CSMD1: variants seen among roughly 807,000 people sequenced by gnomAD.
CSMD1 encodes the protein CUB and sushi domain-containing protein 1.
A neutral mutation model predicts 417.5 loss-of-function variants in CSMD1; 213 were observed. That is an observed-to-expected ratio of 0.51 (90% CI 0.46 to 0.57). CSMD1 has a LOEUF of 0.57. Ranked by LOEUF, CSMD1 falls within the 20% of genes least tolerant of loss-of-function variation. The pLI is 0.00. For synonymous variants in CSMD1, 2,862 were observed against 1,736.8 expected (o/e 1.65, Z -16.11); for missense variants, 6,923 against 4,529.7 (o/e 1.53, Z -15.17).
At chr8:3,312,933 G>T (rs75512602) in intron 23 of CSMD1, among the ~76,000 whole-genome samples, 3 of 152,138 alleles carry the variant, frequency 2.0e-5, no homozygotes, top group African/African-American at 7.2e-5. Flanking sequence ...TTTCAATTGA[G>T]CTTTACTTGC....
At chr8:4,675,272 C>T (rs1020502481) in intron 1 of CSMD1, among the ~76,000 whole-genome samples, 6 of 152,164 alleles carry the variant, frequency 3.9e-5, no homozygotes, top group African/African-American at 1.4e-4. Flanking sequence ...CACTTCTTAT[C>T]TCTGAAGGGG....
intron 2 of CSMD1, among the ~76,000 whole-genome samples, chr8:4,570,805 T>C (rs1172764394): frequency 6.6e-6 from 1 of 152,176 alleles, no homozygotes; most frequent in Non-Finnish European, 1.5e-5. Context: ...TATTAATCAC[T>C]GTGTCAATTT....
At chr8:4,022,811 G>C (rs1056852371) in intron 4 of CSMD1, among the ~76,000 whole-genome samples, 3 of 152,164 alleles carry the variant, frequency 2.0e-5, no homozygotes, top group African/African-American at 7.2e-5. Context: ...GTAAGTTAGA[G>C]AAACAATTCA....
intron 52 of CSMD1, among the ~76,000 whole-genome samples, chr8:3,017,188 G>C (rs1483596509): frequency 6.6e-6 from 1 of 152,212 alleles, no homozygotes; most frequent in African/African-American, 2.4e-5. Flanking sequence ...TCAGACGTGA[G>C]TGTCTCGGAC....
intron 5 of CSMD1, among the ~76,000 whole-genome samples, chr8:3,835,469 C>CA (rs1171331173): frequency 2.0e-5 from 3 of 151,842 alleles, no homozygotes; most frequent in Non-Finnish European, 2.9e-5. Context: ...ACCGCCAGGA[C>CA]AAAAAACCAA....
intron 5 of CSMD1, among the ~76,000 whole-genome samples, chr8:3,942,047 A>T (rs892546471): frequency 6.6e-6 from 1 of 151,746 alleles, no homozygotes; most frequent in Non-Finnish European, 1.5e-5. Context: ...CGCAAACCCT[A>T]TTGTGAATTG....
At chr8:3,248,622 TG>T (rs1388546696) in intron 26 of CSMD1, among the ~76,000 whole-genome samples, 14 of 142,002 alleles carry the variant, frequency 9.9e-5, no homozygotes, top group Non-Finnish European at 2.1e-4. Flanking sequence ...TTCCACCTCC[TG>T]GGTTCACGCT....
At chr8:4,001,693 G>A (rs1000498193) in intron 4 of CSMD1, among the ~76,000 whole-genome samples, 2 of 152,292 alleles carry the variant, frequency 1.3e-5, no homozygotes, top group Non-Finnish European at 1.5e-5. Flanking sequence ...GTTGATGAAT[G>A]AGTGGATCAT....
intron 3 of CSMD1, among the ~76,000 whole-genome samples, chr8:4,118,402 C>CAA (rs56850233): frequency 3.1e-5 from 4 of 127,222 alleles, no homozygotes; most frequent in African/African-American, 1.1e-4. Flanking sequence ...AAGAAATTTA[C>CAA]AAAAAAAAAA....
At chr8:4,771,640 T>G (rs1796602303) in intron 1 of CSMD1, among the ~76,000 whole-genome samples, 1 of 152,168 alleles carries the variant, frequency 6.6e-6, no homozygotes, top group Non-Finnish European at 1.5e-5. Flanking sequence ...ATTAACACCA[T>G]GATTTCTACG....
intron 63 of CSMD1, among the ~76,000 whole-genome samples, chr8:2,956,282 T>G (rs1388113669): frequency 5.3e-5 from 8 of 151,990 alleles, no homozygotes; most frequent in Non-Finnish European, 2.9e-5. Flanking sequence ...ATTTAGAAAC[T>G]TAATATAGAT....
At chr8:4,348,354 C>T (rs1331364063) in intron 3 of CSMD1, among the ~76,000 whole-genome samples, 2 of 151,980 alleles carry the variant, frequency 1.3e-5, no homozygotes, top group South Asian at 2.1e-4. Flanking sequence ...ATGGAATCCA[C>T]CCAAGTGTAC....
rs866695931 is a variant in CSMD1, at chr8:3,752,698, A to C, written c.931+1232T>G. Among the ~76,000 whole-genome samples, 1,140 of 117,792 alleles carry C rather than the reference A, an allele frequency of 9.7e-3. 35 individuals carry two copies. Among genetic ancestry groups the C allele is most frequent in the African/African-American group, 0.033 (1,070 of 32,292 alleles). The allele number at this position is 117,792 out of a possible 152,430, so 77.3% of individuals were successfully genotyped here. On this transcript the variant is annotated intron_variant, in intron 6 of 69. Coordinates refer to ENST00000635120, the MANE Select transcript of CSMD1 (RefSeq NM_033225.6). ...TGGCAAAAAAAAAAAAAAAAAAAAA[A>C]AAAAAACATATTTTGTTGAAACGAA...
chr8:4,408,654 A>C (rs1297428209), intron 3 of CSMD1, among the ~76,000 whole-genome samples: 2 of 152,176 alleles, frequency 1.3e-5, no homozygotes, highest in Admixed American at 1.3e-4. Flanking sequence ...CAAGTTGATC[A>C]ATTAAATCAA....
At chr8:3,291,129 A>G (rs1358949585) in intron 25 of CSMD1, among the ~76,000 whole-genome samples, 4 of 152,162 alleles carry the variant, frequency 2.6e-5, no homozygotes, top group Non-Finnish European at 5.9e-5. Context: ...GATTACATTT[A>G]TTGATTTTCG....
At chr8:4,548,599 A>T (rs1478115803) in intron 2 of CSMD1, among the ~76,000 whole-genome samples, 2 of 152,218 alleles carry the variant, frequency 1.3e-5, no homozygotes. Context: ...ATATGATTTG[A>T]TTAGTAATAG....
At chr8:3,744,688 A>G (rs2129051364) in intron 6 of CSMD1, among the ~76,000 whole-genome samples, 1 of 152,350 alleles carries the variant, frequency 6.6e-6, no homozygotes, top group Non-Finnish European at 1.5e-5. Flanking sequence ...CAGGTAGCAA[A>G]TAAACATGAA....
intron 5 of CSMD1, among the ~76,000 whole-genome samples, chr8:3,810,381 A>G (rs1211860454): frequency 6.6e-6 from 1 of 152,206 alleles, no homozygotes; most frequent in African/African-American, 2.4e-5. Context: ...TTTGGGAAAT[A>G]TGGTGACCCT....
At chr8:3,780,850 T>G (rs1405112571) in intron 5 of CSMD1, among the ~76,000 whole-genome samples, 1 of 152,240 alleles carries the variant, frequency 6.6e-6, no homozygotes, top group Non-Finnish European at 1.5e-5. Context: ...TAATTTTCTC[T>G]GCTTATTGGA....
Sources: allele counts gnomAD v4.1 joint callset (sites outside exome capture counted in the v4.1 genomes callset), GRCh38; gene constraint gnomAD v4.1.1; transcripts MANE v1.5; gene names NCBI Gene and HGNC (gene_info 2026-07-23, HGNC 2026-07-21).